The following SLA variants were observed in gnomAD, a reference collection of about 807,000 sequenced individuals.
SLA encodes src-like-adapter.
A neutral mutation model predicts 30.3 loss-of-function variants in SLA; 16 were observed. The observed-to-expected ratio is 0.53, with a 90% CI of 0.36 to 0.80. SLA has a LOEUF of 0.80. Among genes scored for constraint, SLA ranks in the 30% least tolerant of loss-of-function variants. SLA has a pLI of 0.01. For synonymous variants in SLA, 143 were observed against 137.8 expected (o/e 1.04, Z -0.26); for missense variants, 310 against 345.2 (o/e 0.90, Z 0.81).
At position 133,096,261 on chromosome 8, in the gene SLA, T is replaced by G. The variant is rs1287577483; in HGVS notation, c.-319+6292A>C. The G allele has an allele frequency of 5.0e-6, 8 of 1,614,094 alleles. No homozygotes were observed. The highest frequency in any genetic ancestry group is 4.0e-5 in the African/African-American group (3 of 74,922). ...TGGGGTCCTGTGATCGATGGCCACT[T>G]CCTCCGTGAGCCTCCAGCCAGAGCA... On this transcript the variant is annotated intron_variant, in intron 1 of 8. Transcript: ENST00000338087.
chr8:133,074,316 C>G (rs1222979513), intron 2 of SLA, among the ~76,000 whole-genome samples: 2 of 152,140 alleles, frequency 1.3e-5, no homozygotes, highest in Non-Finnish European at 2.9e-5. Flanking sequence ...ATCCCTCAAC[C>G]CACCTGGCTC....
intron 2 of SLA, chr8:133,063,787 G>A (rs1417535611): frequency 6.6e-6 from 1 of 152,162 alleles, no homozygotes; most frequent in Non-Finnish European, 1.5e-5. Flanking sequence ...TCTGCTCAGT[G>A]GCTTTCTATA....
chr8:133,080,942 G>C (rs1030746792), intron 1 of SLA, among the ~76,000 whole-genome samples: 1 of 152,320 alleles, frequency 6.6e-6, no homozygotes, highest in Admixed American at 6.5e-5. Flanking sequence ...AAGGCCACTT[G>C]GTGTTTTATT....
intron 1 of SLA, among the ~76,000 whole-genome samples, chr8:133,080,491 G>A (rs183686757): frequency 6.6e-5 from 10 of 152,072 alleles, no homozygotes; most frequent in East Asian, 3.9e-4. Context: ...ACCTCTCCCC[G>A]CCAATGCTCC....
intron 1 of SLA, among the ~76,000 whole-genome samples, chr8:133,091,236 T>C (rs1387062212): frequency 1.3e-5 from 2 of 152,232 alleles, no homozygotes; most frequent in East Asian, 3.8e-4. Flanking sequence ...TTCCACGAAG[T>C]GCCTGATGGA....
chr8:133,066,527 A>G (rs1843067064), intron 2 of SLA, among the ~76,000 whole-genome samples: 1 of 152,218 alleles, frequency 6.6e-6, no homozygotes, highest in South Asian at 2.1e-4. Context: ...ATGTGAATTT[A>G]TAAATTTCTT....
chr8:133,047,964 C>CG (rs1839770286), intron 5 of SLA, 31 bp from the exon 6 acceptor site: 5 of 1,374,864 alleles, frequency 3.6e-6, no homozygotes, highest in Non-Finnish European at 4.1e-6. Flanking sequence ...CATTAGGATC[C>CG]GGAACAAGCC....
chr8:133,098,522 T>A (rs990057992), intron 1 of SLA, among the ~76,000 whole-genome samples: 4 of 152,222 alleles, frequency 2.6e-5, no homozygotes, highest in Non-Finnish European at 5.9e-5. Context: ...CTACAGGGGA[T>A]GCAAAATCTC....
chr8:133,059,179 A>G (rs531890648), intron 3 of SLA: 8 of 455,804 alleles, frequency 1.8e-5, no homozygotes, highest in African/African-American at 1.6e-4. Context: ...GCTGGGAACC[A>G]TGTGTGGTCA....
At chr8:133,046,975 G>T (rs1190535311) in intron 6 of SLA, 4 of 152,098 alleles carry the variant, frequency 2.6e-5, no homozygotes, top group Non-Finnish European at 4.4e-5. Flanking sequence ...AGCAAGCCAA[G>T]AACTTGAAGA....
chr8:133,038,721 C>T lies in SLA; in HGVS notation c.634G>A (p.Glu212Lys), dbSNP rs201667666. ...RRVSRLQEDP[E>K]GTENPLGVDE... ...ACCCCAAGCGGGTTCTCTGTTCCCT[C>T]GGGGTCCTCCTGCAGTCTGTGGGCC... The change falls in exon 9 of 9, where the codon GAG becomes AAG. Residue 212 changes from glutamate (E) to lysine (K), a missense_variant. Coordinates refer to ENST00000338087, the MANE Select transcript of SLA (RefSeq NM_001045556.3). The T allele has an allele frequency of 7.3e-5, 117 of 1,613,362 alleles. No individual in the cohort carries two copies. The highest frequency in any genetic ancestry group is 1.6e-4 in the Middle Eastern group (1 of 6,080).
At position 133,047,882 on chromosome 8, in the gene SLA, C is replaced by T. The variant is rs376815059; in HGVS notation, c.300G>A (p.Leu100=). ...GRDKAEELLQ[L]PDTKVGSFMI... is the part of the protein sequence containing the mutation. ...TGAAGGAGCCGACCTTTGTGTCTGG[C>T]AGCTGCAGCAGCTCCTCGGCCTTGT... The change falls in exon 6 of 9, where the codon CTG becomes CTA. Residue 100 remains leucine, a synonymous_variant. Transcript: ENST00000338087. The T allele has an allele frequency of 8.7e-6, 14 of 1,612,892 alleles. No individual in the cohort carries two copies. The highest frequency in any genetic ancestry group is 1.1e-5 in the Non-Finnish European group (13 of 1,179,328).
intron 6 of SLA, 130 bp downstream of exon 6, chr8:133,047,700 G>T: frequency 1.4e-6 from 1 of 704,254 alleles, no homozygotes; most frequent in Non-Finnish European, 2.6e-6. Context: ...GGGCTGCAGG[G>T]AGCTTAACTA....
intron 1 of SLA, among the ~76,000 whole-genome samples, chr8:133,084,488 G>T (rs1259158560): frequency 6.6e-6 from 1 of 152,156 alleles, no homozygotes; most frequent in Non-Finnish European, 1.5e-5. Context: ...ATCACTCATG[G>T]TGTCACTTTT....
chr8:133,078,587 C>T (rs1182369277), intron 1 of SLA, among the ~76,000 whole-genome samples: 1 of 152,190 alleles, frequency 6.6e-6, no homozygotes, highest in East Asian at 1.9e-4. Flanking sequence ...TTCAGTTATT[C>T]ATTCAACAAA....
intron 2 of SLA, among the ~76,000 whole-genome samples, chr8:133,069,257 T>C (rs1843578406): frequency 6.6e-6 from 1 of 152,234 alleles, no homozygotes; most frequent in Non-Finnish European, 1.5e-5. Context: ...TCCTTTTTAT[T>C]CGTACATGTG....
intron 1 of SLA, among the ~76,000 whole-genome samples, chr8:133,079,295 A>G (rs1477196315): frequency 6.6e-6 from 1 of 152,242 alleles, no homozygotes; most frequent in East Asian, 1.9e-4. Flanking sequence ...AGAATTAACT[A>G]CTGGGGCCCA....
chr8:133,092,506 G>C (rs1017146706), intron 1 of SLA, among the ~76,000 whole-genome samples: 1 of 152,184 alleles, frequency 6.6e-6, no homozygotes, highest in Non-Finnish European at 1.5e-5. Context: ...GTGGGGTCCC[G>C]TGAATGTCAC....
At chr8:133,056,677 G>T (rs187939377) in intron 3 of SLA, among the ~76,000 whole-genome samples, 1 of 152,208 alleles carries the variant, frequency 6.6e-6, no homozygotes, top group African/African-American at 2.4e-5. Flanking sequence ...AGCCTCGTGG[G>T]GCTGTGAGAA....
Sources: gnomAD v4.1 joint callset for allele counts (sites outside exome capture counted in the v4.1 genomes callset) on GRCh38, gnomAD v4.1.1 for gene constraint, MANE v1.5 for transcripts, NCBI Gene and HGNC (gene_info 2026-07-23, HGNC 2026-07-21) for gene names.